Variants in IPMK observed in about 807,000 individuals in gnomAD.
The protein encoded by IPMK is inositol 1,3,4,6-tetrakisphosphate 5-kinase.
Under a neutral mutation model 45.8 loss-of-function variants are expected in IPMK, and 17 were observed. That is an observed-to-expected ratio of 0.37 (90% CI 0.25 to 0.56). IPMK has a LOEUF of 0.56. IPMK is among the 20% of genes least tolerant of loss of function. The pLI, the probability that IPMK is intolerant of heterozygous loss-of-function variation, is 0.79. For synonymous variants in IPMK, 180 were observed against 184.3 expected (o/e 0.98, Z 0.19); for missense variants, 399 against 498.0 (o/e 0.80, Z 1.89).
chr10:58,224,449 T>C (rs779443562), intron 3 of IPMK, among the ~76,000 whole-genome samples: 1 of 152,224 alleles, frequency 6.6e-6, no homozygotes, highest in Non-Finnish European at 1.5e-5. Context: ...TTTTTAAAAT[T>C]CCACTGCTCA....
chr10:58,231,879 T>C (rs961959180), intron 2 of IPMK, among the ~76,000 whole-genome samples: 1 of 152,166 alleles, frequency 6.6e-6, no homozygotes, highest in African/African-American at 2.4e-5. Context: ...AGACACAGAC[T>C]GGCAAATTGG....
intron 1 of IPMK, among the ~76,000 whole-genome samples, chr10:58,247,268 C>T: frequency 6.7e-6 from 1 of 150,218 alleles, no homozygotes; most frequent in African/African-American, 2.5e-5. Flanking sequence ...GGATCTAGAA[C>T]TAGAAATACC....
rs998838230 is a variant in IPMK at position 58,195,100 on chromosome 10, A to G, written c.*976T>C. 6.6e-6 allele frequency: 1 copy of G among 152,036 alleles called. No individual in the cohort carries two copies. The highest frequency in any genetic ancestry group is 2.4e-5 in the African/African-American group (1 of 41,442). The allele number at this position is 152,036 out of a possible 1,614,324, so 9.4% of individuals were successfully genotyped here. ...TAGATATTGTCTTTCATTGCTTACT[A>G]TAATTCTGAGAAACTGTTTTTAACA... On this transcript the variant is annotated 3_prime_UTR_variant, in exon 6 of 6. Coordinates refer to ENST00000373935, the MANE Select transcript of IPMK (RefSeq NM_152230.5).
intron 4 of IPMK, chr10:58,212,951 A>T: frequency 4.8e-6 from 1 of 207,394 alleles, no homozygotes; most frequent in African/African-American, 2.3e-5. Flanking sequence ...ACCACCAGGC[A>T]CAGCCCATCT....
At chr10:58,209,798 C>T (rs1269244101) in intron 4 of IPMK, among the ~76,000 whole-genome samples, 1 of 152,170 alleles carries the variant, frequency 6.6e-6, no homozygotes, top group East Asian at 1.9e-4. Flanking sequence ...GAGGCAGTAG[C>T]TTTAGCGGTT....
intron 1 of IPMK, among the ~76,000 whole-genome samples, chr10:58,257,027 C>A (rs1409504400): frequency 6.6e-6 from 1 of 152,122 alleles, no homozygotes; most frequent in Non-Finnish European, 1.5e-5. Context: ...GATCACACCA[C>A]CACGCTCTGG....
intron 4 of IPMK, among the ~76,000 whole-genome samples, chr10:58,201,535 A>G (rs1195716113): frequency 6.6e-6 from 1 of 152,068 alleles, no homozygotes; most frequent in African/African-American, 2.4e-5. Context: ...CTGTTCCCCC[A>G]TCTCTCTTCC....
chr10:58,266,148 T>A (rs1839144250), intron 1 of IPMK, among the ~76,000 whole-genome samples: 1 of 152,178 alleles, frequency 6.6e-6, no homozygotes, highest in African/African-American at 2.4e-5. Flanking sequence ...AACTGTCAAT[T>A]TTCACTATTC....
chr10:58,257,714 G>A (rs1838993588), intron 1 of IPMK, among the ~76,000 whole-genome samples: 2 of 152,050 alleles, frequency 1.3e-5, no homozygotes, highest in South Asian at 2.1e-4. Context: ...AGTTAAAAGT[G>A]AAAGAATGGA....
intron 4 of IPMK, among the ~76,000 whole-genome samples, chr10:58,203,341 G>C (rs1461179802): frequency 6.6e-6 from 1 of 152,202 alleles, no homozygotes. Context: ...GACTGAGATA[G>C]GGTCTCGCTC....
intron 1 of IPMK, among the ~76,000 whole-genome samples, chr10:58,239,476 AC>A (rs1838664744): frequency 6.6e-6 from 1 of 152,166 alleles, no homozygotes; most frequent in East Asian, 1.9e-4. Flanking sequence ...TGGGGCAAAC[AC>A]CTTGGTCTAG....
rs531529574 is a variant in IPMK at position 58,213,225 on chromosome 10, T to C, written c.546+2920A>G. On this transcript the variant is annotated intron_variant, in intron 4 of 5. Transcript: ENST00000373935. Reference sequence around the variant, plus strand: ...ATATTTAAGTAAGGTATCCAGTAAGTTGTTAGATGTACATATCAGGAGATC... The same window carrying C: ...ATATTTAAGTAAGGTATCCAGTAAGCTGTTAGATGTACATATCAGGAGATC... 1.8e-4 allele frequency among the ~76,000 whole-genome samples: 28 copies of C among 152,284 alleles called. No homozygotes were observed. The South Asian group carries it at 5.8e-3, about 32-fold the overall frequency.
At chr10:58,267,343 G>A in intron 1 of IPMK, 79 bp downstream of exon 1, 1 of 1,455,958 alleles carries the variant, frequency 6.9e-7, no homozygotes, top group Non-Finnish European at 9.6e-7. Context: ...GCAGGCCCGA[G>A]AGCGCTAGGC....
chr10:58,199,334 G>T lies in IPMK; in HGVS notation c.547-13C>A. Reference sequence around the variant, plus strand: ...GAACATGATAAACCTGTCAAAAAAAGCAGTGAATATTAAAAAGCTAATACT... The same window carrying T: ...GAACATGATAAACCTGTCAAAAAAATCAGTGAATATTAAAAAGCTAATACT... On this transcript the variant is annotated splice_polypyrimidine_tract_variant and intron_variant, in intron 4 of 5. Coordinates refer to ENST00000373935, the MANE Select transcript of IPMK (RefSeq NM_152230.5). The T allele has an allele frequency of 6.3e-7, 1 of 1,576,350 alleles. No homozygotes were observed. Among genetic ancestry groups the T allele is most frequent in the Non-Finnish European group, 8.6e-7 (1 of 1,156,734 alleles).
At chr10:58,263,159 A>T (rs1839099869) in intron 1 of IPMK, among the ~76,000 whole-genome samples, 1 of 151,956 alleles carries the variant, frequency 6.6e-6, no homozygotes, top group African/African-American at 2.4e-5. Flanking sequence ...GCTGAAGCAG[A>T]AGGATCACTT....
intron 1 of IPMK, among the ~76,000 whole-genome samples, chr10:58,244,281 G>T (rs1287292727): frequency 8.2e-6 from 1 of 121,832 alleles, no homozygotes; most frequent in Non-Finnish European, 1.7e-5. Context: ...CTGCCCAGCC[G>T]CCCCGTCGGG....
At chr10:58,229,312 T>G (rs1231662507) in intron 2 of IPMK, among the ~76,000 whole-genome samples, 3 of 151,978 alleles carry the variant, frequency 2.0e-5, no homozygotes, top group Admixed American at 1.3e-4. Context: ...TCCCAACACT[T>G]TGGGAGGCTG....
Position 58,209,284 on chromosome 10 carries a change from C to T in IPMK, c.546+6861G>A, listed in dbSNP as rs571913888. ...CAAGGACCTCTTCTCCAAGGTCCTTCATGATCACAGTGGCTGCCCGCCTGT... is the reference window on the plus strand; with the variant it reads ...CAAGGACCTCTTCTCCAAGGTCCTTTATGATCACAGTGGCTGCCCGCCTGT... On this transcript the variant is annotated intron_variant, in intron 4 of 5. Transcript: ENST00000373935. Among the ~76,000 whole-genome samples the T allele has an allele frequency of 5.9e-5, 9 of 152,300 alleles. No individual in the cohort carries two copies. The East Asian group carries it at 1.7e-3, about 29-fold the overall frequency.
intron 3 of IPMK, among the ~76,000 whole-genome samples, chr10:58,222,800 T>C (rs1177641372): frequency 6.6e-6 from 1 of 152,226 alleles, no homozygotes; most frequent in Non-Finnish European, 1.5e-5. Flanking sequence ...GATCACTCTG[T>C]GGCTTTACCA....
Sources: allele counts gnomAD v4.1 joint callset (sites outside exome capture counted in the v4.1 genomes callset), GRCh38; gene constraint gnomAD v4.1.1; transcripts MANE v1.5; gene names NCBI Gene and HGNC (gene_info 2026-07-23, HGNC 2026-07-21).